Variants in REC114 observed in about 807,000 individuals in gnomAD.
REC114 encodes the protein meiotic recombination protein REC114.
REC114 carries 27 observed loss-of-function variants against 31.3 expected under a neutral mutation model. The ratio of observed to expected loss-of-function variants is 0.86; its 90% CI spans 0.64 to 1.19. The LOEUF is 1.19. Ranked by LOEUF, REC114 falls within the 50% of genes most tolerant of loss-of-function variation. The pLI, the probability that REC114 is intolerant of heterozygous loss-of-function variation, is 0.00. For synonymous variants in REC114, 134 were observed against 127.7 expected (o/e 1.05, Z -0.33); for missense variants, 344 against 326.9 (o/e 1.05, Z -0.40).
At chr15:73,530,665 A>C (rs1312577492) in intron 2 of REC114, among the ~76,000 whole-genome samples, 1 of 152,050 alleles carries the variant, frequency 6.6e-6, no homozygotes, top group Non-Finnish European at 1.5e-5. Flanking sequence ...AAGAAAATGT[A>C]ATTTTAGAAA....
intron 1 of REC114, among the ~76,000 whole-genome samples, chr15:73,471,443 C>A (rs982435022): frequency 2.0e-5 from 3 of 152,096 alleles, no homozygotes; most frequent in African/African-American, 7.2e-5. Flanking sequence ...GTTGTGATGT[C>A]AAATGTCTAC....
chr15:73,507,805 G>A (rs186426891), intron 2 of REC114, among the ~76,000 whole-genome samples: 59 of 152,264 alleles, frequency 3.9e-4, no homozygotes, highest in Non-Finnish European at 6.5e-4. Context: ...AAATAAGTAA[G>A]CAAATGAACA....
intron 3 of REC114, among the ~76,000 whole-genome samples, chr15:73,541,139 G>T (rs899122986): frequency 1.3e-5 from 2 of 152,146 alleles, no homozygotes; most frequent in Non-Finnish European, 2.9e-5. Context: ...CTCAGACTCT[G>T]AGAGTTAGAC....
In REC114 at chr15:73,551,038, C is replaced by T. The variant is rs1894383204; in HGVS notation, c.434C>T (p.Thr145Ile). ...GTTCAGAAGCTGGCACAATACATAA[C>T]CGTGCAGGTGCCTGATGGAAACATC... ...SCVQKLAQYI[T>I]VQVPDGNIQE... Residue 145 changes from threonine to isoleucine, a missense_variant, in exon 4 of 6, where the codon ACC (threonine) becomes ATC (isoleucine). Thr to Ile is a moderately conservative substitution (Grantham distance 89). Transcript: ENST00000331090. 4 of 1,613,878 alleles carry T rather than the reference C, an allele frequency of 2.5e-6. No individual in the cohort carries two copies. The highest frequency in any genetic ancestry group is 1.7e-4 in the Middle Eastern group (1 of 6,046).
chr15:73,459,333 G>A (rs146256502), intron 1 of REC114, among the ~76,000 whole-genome samples: 264 of 151,630 alleles, frequency 1.7e-3, no homozygotes, highest in African/African-American at 6.1e-3. Flanking sequence ...AGGGTCAAGC[G>A]ATTCTCCTGC....
intron 2 of REC114, among the ~76,000 whole-genome samples, chr15:73,478,695 A>C (rs1288847089): frequency 7.9e-5 from 12 of 152,220 alleles, no homozygotes; most frequent in Admixed American, 7.9e-4. Flanking sequence ...TCTTCTAAGT[A>C]GTGAGCATAT....
At chr15:73,515,402 G>A (rs1341799155) in intron 2 of REC114, among the ~76,000 whole-genome samples, 9 of 152,126 alleles carry the variant, frequency 5.9e-5, no homozygotes, top group Admixed American at 5.9e-4. Flanking sequence ...CTTACGGGTT[G>A]CTGCAGTTAT....
In REC114 at chr15:73,551,149, G is replaced by T; in HGVS notation, c.545G>T (p.Gly182Val). Residue 182 changes from glycine to valine, a missense_variant and splice_region_variant, in exon 4 of 6, where the codon GGA (glycine) becomes GTA (valine). Gly to Val is a moderately radical substitution (Grantham distance 109). Coordinates refer to ENST00000331090, the MANE Select transcript of REC114 (RefSeq NM_001042367.2). Reference protein sequence around the residue: ...DSAKSVPRQPGSHQHSEQQQV... With the variant: ...DSAKSVPRQPVSHQHSEQQQV... Reference sequence around the variant, plus strand: ...GCAAAGAGTGTCCCACGGCAGCCTGGAGTAAGTAGGCTGATGTGTTGGTTA... The same window carrying T: ...GCAAAGAGTGTCCCACGGCAGCCTGTAGTAAGTAGGCTGATGTGTTGGTTA... 6.3e-7 allele frequency: 1 copy of T among 1,597,890 alleles called. No individual in the cohort carries two copies. The highest frequency in any genetic ancestry group is 8.5e-7 in the Non-Finnish European group (1 of 1,172,250).
At chr15:73,445,842 A>T (rs950400792) in intron 1 of REC114, among the ~76,000 whole-genome samples, 1 of 152,214 alleles carries the variant, frequency 6.6e-6, no homozygotes, top group Non-Finnish European at 1.5e-5. Context: ...GATCACCATC[A>T]TATATAATAA....
chr15:73,544,906 C>A (rs529110558), intron 3 of REC114, among the ~76,000 whole-genome samples: 1 of 152,274 alleles, frequency 6.6e-6, no homozygotes, highest in Non-Finnish European at 1.5e-5. Context: ...AGCGGGAAAA[C>A]CCACTGGGTT....
chr15:73,490,581 G>C (rs142592509), intron 2 of REC114, among the ~76,000 whole-genome samples: 8,586 of 152,186 alleles, frequency 0.056, 345 homozygotes, highest in Middle Eastern at 0.088. Flanking sequence ...TACACCTGTA[G>C]TCCCAGCTAT....
intron 1 of REC114, among the ~76,000 whole-genome samples, chr15:73,462,563 A>T (rs1055033118): frequency 6.6e-6 from 1 of 152,162 alleles, no homozygotes; most frequent in Middle Eastern, 3.2e-3. Context: ...TAATATAGTG[A>T]TACACGTATG....
intron 2 of REC114, among the ~76,000 whole-genome samples, chr15:73,501,874 T>G (rs1488839308): frequency 1.3e-5 from 2 of 152,216 alleles, no homozygotes; most frequent in African/African-American, 4.8e-5. Context: ...ATCAGAACAG[T>G]GAATACTTAA....
chr15:73,513,773 G>T (rs1200291119), intron 2 of REC114, among the ~76,000 whole-genome samples: 1 of 150,412 alleles, frequency 6.6e-6, no homozygotes, highest in Non-Finnish European at 1.5e-5. Context: ...CAGGGGTCAG[G>T]GACCCACTTG....
intron 2 of REC114, among the ~76,000 whole-genome samples, chr15:73,530,710 C>T (rs1403756627): frequency 2.0e-5 from 3 of 151,714 alleles, no homozygotes; most frequent in African/African-American, 4.8e-5. Context: ...CTCTTCACAT[C>T]GTTGTCTTCA....
At chr15:73,480,200 ACTTTTT>A (rs1204579124) in intron 2 of REC114, among the ~76,000 whole-genome samples, 2 of 152,022 alleles carry the variant, frequency 1.3e-5, no homozygotes, top group Non-Finnish European at 2.9e-5. Context: ...AATGTTGAAC[ACTTTTT>A]CTTATACCTG....
intron 4 of REC114, among the ~76,000 whole-genome samples, chr15:73,553,442 C>G (rs549693590): frequency 6.6e-6 from 1 of 152,210 alleles, no homozygotes; most frequent in South Asian, 2.1e-4. Flanking sequence ...ATCCTTTGCC[C>G]TTTAGTTTTT....
intron 2 of REC114, among the ~76,000 whole-genome samples, chr15:73,536,364 A>G (rs1237607032): frequency 2.0e-5 from 3 of 152,156 alleles, no homozygotes; most frequent in African/African-American, 7.2e-5. Flanking sequence ...CAGTAGCAGA[A>G]GCTCCCTTGG....
At chr15:73,490,298 T>C (rs1893425757) in intron 2 of REC114, among the ~76,000 whole-genome samples, 1 of 152,230 alleles carries the variant, frequency 6.6e-6, no homozygotes, top group Non-Finnish European at 1.5e-5. Context: ...TTATGTATTA[T>C]TGGAATTATC....
Sources: gnomAD v4.1 joint callset for allele counts (sites outside exome capture counted in the v4.1 genomes callset) on GRCh38, gnomAD v4.1.1 for gene constraint, MANE v1.5 for transcripts, NCBI Gene and HGNC (gene_info 2026-07-23, HGNC 2026-07-21) for gene names.